Variants in ZNF462 observed in about 807,000 individuals in gnomAD.
ZNF462 encodes the protein zinc finger protein 462.
ZNF462 carries 10 observed loss-of-function variants against 201.9 expected under a neutral mutation model. That is an observed-to-expected ratio of 0.05 (90% confidence interval 0.03 to 0.08). The LOEUF (loss-of-function observed/expected upper bound fraction) is 0.08, where lower values mean the gene tolerates loss of function less well. Ranked by LOEUF, ZNF462 falls within the 10% of genes least tolerant of loss-of-function variation. The probability of loss-of-function intolerance (pLI) is 1.00; values close to 1 mark genes in which losing one functional copy is unlikely to be tolerated. For synonymous variants in ZNF462, 1,227 were observed against 1,193.3 expected (o/e 1.03, Z -0.58); for missense variants, 2,523 against 3,168.3 (o/e 0.80, Z 4.89).
chr9:106,884,677 T>G (rs1476346354), intron 1 of ZNF462, among the ~76,000 whole-genome samples: 1 of 152,208 alleles, frequency 6.6e-6, no homozygotes, highest in Admixed American at 6.5e-5. Flanking sequence ...TTATGTTGAT[T>G]TCTGTATACA....
intron 1 of ZNF462, among the ~76,000 whole-genome samples, chr9:106,888,642 G>T (rs1828436554): frequency 6.6e-6 from 1 of 152,116 alleles, no homozygotes; most frequent in Non-Finnish European, 1.5e-5. Context: ...GTGCCACTGT[G>T]GTCTGTTGCC....
At chr9:106,869,524 T>A (rs1260373917) in intron 1 of ZNF462, among the ~76,000 whole-genome samples, 1 of 152,202 alleles carries the variant, frequency 6.6e-6, no homozygotes, top group Non-Finnish European at 1.5e-5. Flanking sequence ...AGTTTCCACA[T>A]TTTCTAAGCT....
rs1474998924 is a variant in ZNF462, at chr9:106,923,733, G to GT, written c.220+133dup. On this transcript the variant is annotated intron_variant, in intron 2 of 12. Transcript: ENST00000277225. This position sits in a 1 kb window ranked among gnomAD's most constrained non-coding sequence, Gnocchi z 5.6. ...TTGTGCTTTGCTAGCCATTTTTGTG[G>GT]TTTGGGCATCATGTATCTCTCCTTG... is the stretch of plus-strand genomic sequence containing the variant. 3 of 900,806 alleles carry GT rather than the reference G, an allele frequency of 3.3e-6. No individual in the cohort carries two copies. The African/African-American group carries it at 5.0e-5, about 15-fold the overall frequency. The allele number at this position is 900,806 out of a possible 1,614,324, so 55.8% of individuals were successfully genotyped here.
Position 106,978,047 on chromosome 9 carries a change from C to T in ZNF462, c.6832+3774C>T, listed in dbSNP as rs181648982. Among the ~76,000 whole-genome samples, 27 of 151,600 alleles carry T rather than the reference C, an allele frequency of 1.8e-4. No individual in the cohort carries two copies. In the East Asian group the frequency reaches 4.1e-3, roughly 23 times the overall value. On this transcript the variant is annotated intron_variant, in intron 9 of 12. Transcript: ENST00000277225. This position sits in a 1 kb window ranked among gnomAD's most constrained non-coding sequence, Gnocchi z 4.1. The stretch of plus-strand genomic sequence containing the variant: ...TCACTCTCATGTTTGTCTCCATCTT[C>T]ATATGGGCTTTTTCTCTATGTGTAT...
chr9:106,860,776 C>G (rs1323161527), upstream of ZNF462, among the ~76,000 whole-genome samples: 1 of 152,138 alleles, frequency 6.6e-6, no homozygotes. This position sits in a 1 kb window ranked among gnomAD's most constrained non-coding sequence, Gnocchi z 7.1. Flanking sequence ...GGGGTGGCGG[C>G]GGCCAGCGCT....
In ZNF462 at chr9:106,917,945, C is replaced by T. The variant is rs995718376; in HGVS notation, c.-30-5409C>T. On this transcript the variant is annotated intron_variant, in intron 1 of 12. Coordinates refer to ENST00000277225, the MANE Select transcript of ZNF462 (RefSeq NM_021224.6). This position sits in a 1 kb window ranked among gnomAD's most constrained non-coding sequence, Gnocchi z 4.5. The stretch of plus-strand genomic sequence containing the variant: ...AGGCTGGAGTGCAGTGGCGCGATCT[C>T]GGCTCACTGCAACCTTCTTCTCCCG... Among the ~76,000 whole-genome samples, 1 of 151,628 alleles carries T rather than the reference C, an allele frequency of 6.6e-6. No homozygotes were observed. The highest frequency in any genetic ancestry group is 6.6e-5 in the Admixed American group (1 of 15,228).
intron 10 of ZNF462, among the ~76,000 whole-genome samples, chr9:107,000,264 A>G (rs1365940999): frequency 6.6e-6 from 1 of 151,978 alleles, no homozygotes; most frequent in African/African-American, 2.4e-5. Context: ...AGAGCCCGCC[A>G]TGTAAACGAC....
chr9:106,948,145 G>A (rs952268607), intron 7 of ZNF462, among the ~76,000 whole-genome samples: 2 of 152,120 alleles, frequency 1.3e-5, no homozygotes, highest in African/African-American at 4.8e-5. Context: ...CAGAGATACA[G>A]GAGAAAGGAT....
intron 10 of ZNF462, among the ~76,000 whole-genome samples, chr9:106,998,018 C>G (rs1481225280): frequency 3.3e-5 from 5 of 152,168 alleles, no homozygotes; most frequent in African/African-American, 1.2e-4. Flanking sequence ...GTAACAAAGA[C>G]TATAGAGTCC....
chr9:106,927,291 G>A lies in ZNF462; in HGVS notation c.3379G>A (p.Val1127Met), dbSNP rs1303573474. Residue 1127 changes from valine to methionine, a missense_variant, in exon 3 of 13, where the codon GTG (valine) becomes ATG (methionine). Coordinates refer to ENST00000277225, the MANE Select transcript of ZNF462 (RefSeq NM_021224.6). ...KHCSYSNRSV[V>M]GVLVHYQKRH... ...CTGTTCCTACAGCAATCGGTCAGTT[G>A]TGGGAGTGCTTGTCCACTACCAGAA... 6.2e-7 allele frequency: 1 copy of A among 1,609,070 alleles called. No individual in the cohort carries two copies. Among genetic ancestry groups the A allele is most frequent in the Non-Finnish European group, 8.5e-7 (1 of 1,179,438 alleles).
At chr9:106,879,011 G>C (rs551621232) in intron 1 of ZNF462, among the ~76,000 whole-genome samples, 1 of 152,270 alleles carries the variant, frequency 6.6e-6, no homozygotes, top group East Asian at 1.9e-4. Context: ...GGTCCCAAGA[G>C]GCAAACAGAC....
chr9:106,936,526 C>G (rs1033807280), intron 6 of ZNF462, among the ~76,000 whole-genome samples: 1 of 152,166 alleles, frequency 6.6e-6, no homozygotes, highest in African/African-American at 2.4e-5. Context: ...ACCCAGGTCT[C>G]CCAGTTGCCT....
intron 7 of ZNF462, among the ~76,000 whole-genome samples, chr9:106,946,736 A>G (rs1831124577): frequency 6.6e-6 from 1 of 152,124 alleles, no homozygotes; most frequent in African/African-American, 2.4e-5. Context: ...TGGGAGGCTG[A>G]GGCAAGAGGA....
intron 1 of ZNF462, among the ~76,000 whole-genome samples, chr9:106,894,828 A>ATATTGATAAATATTGTAAGTTTTC (rs1410561798): frequency 6.6e-6 from 1 of 152,246 alleles, no homozygotes; most frequent in Admixed American, 6.5e-5. Context: ...AGTAAGTTTT[A>ATATTGATAAATATTGTAAGTTTTC]TATTGATAAA....
rs913388447 is a variant in ZNF462 at position 106,920,937 on chromosome 9, A to G, written c.-30-2417A>G. Among the ~76,000 whole-genome samples, 1 of 152,152 alleles carries G rather than the reference A, an allele frequency of 6.6e-6. No individual in the cohort carries two copies. ...TCTAAAGGCTTGAAGTTTTGAAGGG[A>G]AGAGATTTTGTTTTCCTCTCTGCTA... On this transcript the variant is annotated intron_variant, in intron 1 of 12. Coordinates refer to ENST00000277225, the MANE Select transcript of ZNF462 (RefSeq NM_021224.6). The surrounding 1 kb of genome is among the most constrained non-coding windows in gnomAD (Gnocchi z 4.3).
rs377467553 is a variant in ZNF462, at chr9:106,886,116, A to T, written c.-31+22761A>T. Among the ~76,000 whole-genome samples the T allele has an allele frequency of 1.8e-4, 28 of 152,278 alleles. No homozygotes were observed. The highest frequency in any genetic ancestry group is 6.5e-4 in the African/African-American group (27 of 41,558). On this transcript the variant is annotated intron_variant, in intron 1 of 12. Transcript: ENST00000277225. The surrounding 1 kb of genome is among the most constrained non-coding windows in gnomAD (Gnocchi z 4.6). ...AATCAAGAGGTAACTCATACCCAAG[A>T]AGTGGGTTTGTTGGCCTTAGCCTGA...
rs904098345 is a variant in ZNF462, at chr9:106,939,167, T to C, written c.6427+60T>C. ...CAGGGTTGAGGTGGGCTGGGATTCA[T>C]TGCCAATCATTTTTTTTAGAGGAAA... On this transcript the variant is annotated intron_variant, in intron 7 of 12. Transcript: ENST00000277225. 4.3e-6 allele frequency: 6 copies of C among 1,408,074 alleles called. No homozygotes were observed. In the East Asian group the frequency reaches 7.5e-5, roughly 18 times the overall value. 87.2% of individuals were successfully genotyped at this position (1,408,074 alleles called of 1,614,324 possible).
intron 1 of ZNF462, among the ~76,000 whole-genome samples, chr9:106,904,828 A>G (rs1186429586): frequency 1.3e-5 from 2 of 151,558 alleles, no homozygotes; most frequent in Non-Finnish European, 2.9e-5. Flanking sequence ...TTCTTGTATC[A>G]TTTTTTGGAC....
chr9:106,867,522 C>T (rs375890448), intron 1 of ZNF462, among the ~76,000 whole-genome samples: 18 of 151,888 alleles, frequency 1.2e-4, no homozygotes, highest in African/African-American at 4.1e-4. Flanking sequence ...CCATATTCCC[C>T]GAGGAATTGT....
Sources: gnomAD v4.1 joint callset for allele counts (sites outside exome capture counted in the v4.1 genomes callset) on GRCh38, gnomAD v4.1.1 for gene constraint, Gnocchi (gnomAD v3.1) non-coding constraint, MANE v1.5 for transcripts, NCBI Gene and HGNC (gene_info 2026-07-23, HGNC 2026-07-21) for gene names.